LPCAT2: variants seen among roughly 807,000 people sequenced by gnomAD.
LPCAT2 encodes the protein 1-AGP acyltransferase 11.
In LPCAT2, 58 loss-of-function variants were observed where a neutral mutation model predicts 64.7. The observed-to-expected ratio is 0.90, with a 90% CI of 0.73 to 1.12. The LOEUF (loss-of-function observed/expected upper bound fraction) is 1.12, where lower values mean the gene tolerates loss of function less well. Ranked by LOEUF, LPCAT2 falls within the 50% of genes most tolerant of loss-of-function variation. LPCAT2 has a pLI of 0.00. For synonymous variants in LPCAT2, 252 were observed against 245.3 expected (o/e 1.03, Z -0.26); for missense variants, 579 against 669.8 (o/e 0.86, Z 1.50).
At chr16:55,511,098 C>T (rs1962925736) in intron 1 of LPCAT2, among the ~76,000 whole-genome samples, 1 of 151,962 alleles carries the variant, frequency 6.6e-6, no homozygotes, top group Non-Finnish European at 1.5e-5. Context: ...ATACTTTTCT[C>T]GTCTATTACA....
chr16:55,512,087 C>T (rs1238637390), intron 1 of LPCAT2, among the ~76,000 whole-genome samples: 1 of 152,166 alleles, frequency 6.6e-6, no homozygotes, highest in African/African-American at 2.4e-5. Context: ...GTACACAGAG[C>T]TTCAAGAAAA....
At chr16:55,537,743 A>G in intron 8 of LPCAT2, 111 bp downstream of exon 8, 1 of 829,002 alleles carries the variant, frequency 1.2e-6, no homozygotes, top group Admixed American at 2.4e-5. Flanking sequence ...GTGTTTTACA[A>G]ATTGTGTATA....
intron 1 of LPCAT2, among the ~76,000 whole-genome samples, chr16:55,518,531 A>G (rs1190897623): frequency 6.6e-6 from 1 of 152,206 alleles, no homozygotes; most frequent in Non-Finnish European, 1.5e-5. Flanking sequence ...TTCAAAACGT[A>G]CTGTGAAGCT....
intron 7 of LPCAT2, 120 bp downstream of exon 7, chr16:55,534,597 A>G (rs527706415): frequency 3.3e-5 from 16 of 482,328 alleles, no homozygotes; most frequent in Non-Finnish European, 4.3e-5. Flanking sequence ...ATTTAAAAAC[A>G]TAAAGATTTC....
chr16:55,515,682 T>G (rs1345424450), intron 1 of LPCAT2, among the ~76,000 whole-genome samples: 8 of 152,156 alleles, frequency 5.3e-5, no homozygotes, highest in African/African-American at 1.9e-4. Flanking sequence ...GCACATACAA[T>G]GTATAAAGAC....
chr16:55,534,968 G>C (rs1963306045), intron 7 of LPCAT2, among the ~76,000 whole-genome samples: 1 of 152,112 alleles, frequency 6.6e-6, no homozygotes, highest in East Asian at 1.9e-4. Context: ...AAAAGCATTG[G>C]AATCAGCAGT....
intron 11 of LPCAT2, 78 bp from the exon 12 acceptor site, chr16:55,574,553 C>G: frequency 1.0e-6 from 1 of 1,000,362 alleles, no homozygotes; most frequent in South Asian, 1.3e-5. Context: ...TAAGACATAC[C>G]TGAATTTTAC....
chr16:55,563,846 G>A (rs1446144928), intron 11 of LPCAT2, among the ~76,000 whole-genome samples: 3 of 151,794 alleles, frequency 2.0e-5, no homozygotes, highest in African/African-American at 4.8e-5. Flanking sequence ...AAATCATCGC[G>A]AGAACAGTTA....
intron 1 of LPCAT2, among the ~76,000 whole-genome samples, chr16:55,522,135 T>G (rs751540767): frequency 4.6e-5 from 7 of 151,864 alleles, no homozygotes; most frequent in Non-Finnish European, 1.0e-4. Context: ...AACTAATAAG[T>G]GAACTTGGCC....
At chr16:55,520,872 CA>C (rs1963086123) in intron 1 of LPCAT2, among the ~76,000 whole-genome samples, 1 of 151,640 alleles carries the variant, frequency 6.6e-6, no homozygotes, top group Admixed American at 6.6e-5. Flanking sequence ...GCAACTAAAC[CA>C]ATACATTTAA....
rs114879295 is a variant in LPCAT2, at chr16:55,555,294, G to A, written c.1215+4192G>A. 8.8e-3 allele frequency among the ~76,000 whole-genome samples: 1,346 copies of A among 152,270 alleles called. 15 individuals are homozygous for A. Among genetic ancestry groups the A allele is most frequent in the African/African-American group, 0.03 (1,245 of 41,554 alleles). On this transcript the variant is annotated intron_variant, in intron 11 of 13. Transcript: ENST00000262134. ...TCTTTTCTTTTAACAGTTTAATAAT[G>A]TCTTACTTTAAGTGGCCTCCATGGT...
chr16:55,521,179 T>C (rs553320937), intron 1 of LPCAT2, among the ~76,000 whole-genome samples: 23 of 151,920 alleles, frequency 1.5e-4, no homozygotes, highest in Middle Eastern at 6.8e-3. Flanking sequence ...CATTATAGGC[T>C]AAATGGCTAA....
At position 55,551,127 on chromosome 16, in the gene LPCAT2, AT is replaced by A. The variant is rs1323517861; in HGVS notation, c.1215+30del. On this transcript the variant is annotated intron_variant, in intron 11 of 13. Transcript: ENST00000262134. ...GGTATGTTAAAATTTAATCTTTCAC[AT>A]TTTTACTCTGTCAGTCCTACAGTGA... 1.1e-5 allele frequency: 18 copies of A among 1,594,420 alleles called. No individual in the cohort carries two copies. In the African/African-American group the frequency reaches 2.3e-4, roughly 20 times the overall value.
chr16:55,561,441 C>G (rs1214437933), intron 11 of LPCAT2, among the ~76,000 whole-genome samples: 1 of 141,508 alleles, frequency 7.1e-6, no homozygotes. Flanking sequence ...TATTAATGTT[C>G]TAATAAATAG....
chr16:55,559,326 T>C (rs73551738), intron 11 of LPCAT2, among the ~76,000 whole-genome samples: 6 of 152,366 alleles, frequency 3.9e-5, no homozygotes, highest in African/African-American at 1.2e-4. Flanking sequence ...GTGTATACTT[T>C]AGCACTTTGG....
chr16:55,513,375 G>C (rs1210507984), intron 1 of LPCAT2, among the ~76,000 whole-genome samples: 2 of 152,120 alleles, frequency 1.3e-5, no homozygotes, highest in East Asian at 3.9e-4. Context: ...GATGGTAGAA[G>C]AAGGTGTTAG....
chr16:55,512,560 C>T (rs1349859125), intron 1 of LPCAT2, among the ~76,000 whole-genome samples: 3 of 152,012 alleles, frequency 2.0e-5, no homozygotes, highest in Non-Finnish European at 4.4e-5. Context: ...GACTAAAAAT[C>T]GAAGGTGGAA....
chr16:55,564,932 A>G (rs537161891), intron 11 of LPCAT2, among the ~76,000 whole-genome samples: 2 of 152,152 alleles, frequency 1.3e-5, no homozygotes, highest in African/African-American at 4.8e-5. Context: ...AAATATTTAC[A>G]AATTATATAT....
intron 1 of LPCAT2, among the ~76,000 whole-genome samples, chr16:55,516,412 A>G (rs2142389246): frequency 6.6e-6 from 1 of 152,334 alleles, no homozygotes; most frequent in Admixed American, 6.5e-5. Flanking sequence ...GTCAAGAGAC[A>G]TACTTTTGAT....
Sources: allele counts gnomAD v4.1 joint callset (sites outside exome capture counted in the v4.1 genomes callset), GRCh38; gene constraint gnomAD v4.1.1; transcripts MANE v1.5; gene names NCBI Gene and HGNC (gene_info 2026-07-23, HGNC 2026-07-21).